The following COL8A1 variants were observed in gnomAD, a reference collection of about 807,000 sequenced individuals.
The protein encoded by COL8A1 is collagen type VIII alpha 1 chain, also known as collagen alpha-1(VIII) chain.
In COL8A1, 21 loss-of-function variants were observed where a neutral mutation model predicts 42.7. The observed-to-expected ratio is 0.49, with a 90% CI of 0.35 to 0.71. The LOEUF (loss-of-function observed/expected upper bound fraction) is 0.71. Ranked by LOEUF, COL8A1 falls within the 30% of genes least tolerant of loss-of-function variation. The probability of loss-of-function intolerance (pLI) is 0.01; values close to 1 mark genes in which losing one functional copy is unlikely to be tolerated. For missense variants in COL8A1, 788 were observed against 962.4 expected, an observed-to-expected ratio of 0.82 and a Z score of 2.40; for synonymous variants, 367 against 369.1, an observed-to-expected ratio of 0.99 and a Z score of 0.06.
chr3:99,645,280 G>A (rs918590940), intron 1 of COL8A1, among the ~76,000 whole-genome samples: 2 of 151,904 alleles, frequency 1.3e-5, no homozygotes, highest in African/African-American at 2.4e-5. Flanking sequence ...CCAAACAAGC[G>A]ACTTCTTGTT....
Position 99,794,840 on chromosome 3 carries a change from C to T in COL8A1, c.939C>T (p.Pro313=), listed in dbSNP as rs547121235. Residue 313 remains proline, a synonymous_variant, in exon 4 of 4, where the codon CCC becomes CCT. Coordinates refer to ENST00000652472, the MANE Select transcript of COL8A1 (RefSeq NM_020351.4). This position sits in a 1 kb window ranked among gnomAD's most constrained non-coding sequence, Gnocchi z 4.3. ...VPGVQGPPGI[P]GIGKPGQDGI... is the part of the protein sequence containing the mutation. Reference sequence around the variant, plus strand: ...GGGTTCAAGGACCTCCTGGGATACCCGGAATTGGAAAGCCAGGCCAGGATG... The same window carrying T: ...GGGTTCAAGGACCTCCTGGGATACCTGGAATTGGAAAGCCAGGCCAGGATG... The T allele has an allele frequency of 8.7e-6, 14 of 1,611,896 alleles. No individual in the cohort carries two copies. In the African/African-American group the frequency reaches 1.6e-4, roughly 18 times the overall value.
intron 2 of COL8A1, among the ~76,000 whole-genome samples, chr3:99,757,247 T>G (rs1456157979): frequency 6.6e-6 from 1 of 152,220 alleles, no homozygotes; most frequent in African/African-American, 2.4e-5. Flanking sequence ...AAAATTCATT[T>G]TGTCAGGTGA....
At chr3:99,753,929 A>G (rs1399679561) in intron 2 of COL8A1, among the ~76,000 whole-genome samples, 1 of 152,242 alleles carries the variant, frequency 6.6e-6, no homozygotes, top group African/African-American at 2.4e-5. Context: ...GTAAAATGGT[A>G]GAGCTTGGAC....
intron 1 of COL8A1, among the ~76,000 whole-genome samples, chr3:99,689,208 A>G (rs1465613988): frequency 6.6e-6 from 1 of 152,242 alleles, no homozygotes; most frequent in African/African-American, 2.4e-5. Flanking sequence ...AGGAAGTCAG[A>G]GTTGAGTTTT....
intron 1 of COL8A1, among the ~76,000 whole-genome samples, chr3:99,684,533 A>T (rs563793507): frequency 6.6e-4 from 100 of 152,358 alleles, no homozygotes; most frequent in Non-Finnish European, 1.3e-3. Context: ...GTTAATCTTT[A>T]TTAAGAGTTT....
At chr3:99,758,337 C>A (rs1420897567) in intron 2 of COL8A1, among the ~76,000 whole-genome samples, 1 of 152,070 alleles carries the variant, frequency 6.6e-6, no homozygotes, top group Non-Finnish European at 1.5e-5. Flanking sequence ...GCAGGTTAAT[C>A]CAACTTCCCC....
chr3:99,777,774 C>T (rs1387799197), intron 2 of COL8A1, among the ~76,000 whole-genome samples: 1 of 152,092 alleles, frequency 6.6e-6, no homozygotes, highest in Non-Finnish European at 1.5e-5. Context: ...ACCAAGCTGC[C>T]CCAATTCTCC....
intron 1 of COL8A1, among the ~76,000 whole-genome samples, chr3:99,658,408 C>T (rs975953289): frequency 1.3e-5 from 2 of 152,228 alleles, no homozygotes; most frequent in Non-Finnish European, 2.9e-5. Context: ...TCCCAGAAGT[C>T]TCCTTTGACC....
intron 1 of COL8A1, among the ~76,000 whole-genome samples, chr3:99,650,930 T>G (rs1333850432): frequency 1.3e-5 from 2 of 152,356 alleles, no homozygotes; most frequent in Admixed American, 1.3e-4. Context: ...CCCCAGTGAA[T>G]GCTATGACTG....
intron 1 of COL8A1, among the ~76,000 whole-genome samples, chr3:99,725,762 G>A (rs554837238): frequency 1.0e-3 from 155 of 151,886 alleles, no homozygotes; most frequent in African/African-American, 3.5e-3. Flanking sequence ...TTTTATGGCT[G>A]CATACTATTC....
intron 1 of COL8A1, among the ~76,000 whole-genome samples, chr3:99,719,251 T>C (rs1372339174): frequency 1.3e-5 from 2 of 152,132 alleles, no homozygotes; most frequent in African/African-American, 4.8e-5. Flanking sequence ...CTCTCCATAG[T>C]TCAGGCTCTG....
chr3:99,705,181 GT>G (rs1484152534), intron 1 of COL8A1, among the ~76,000 whole-genome samples: 1 of 152,138 alleles, frequency 6.6e-6, no homozygotes, highest in Non-Finnish European at 1.5e-5. Context: ...CAAAAACCCA[GT>G]TTCCCATTCG....
chr3:99,775,674 C>T (rs1192134903), intron 2 of COL8A1, among the ~76,000 whole-genome samples: 5 of 152,184 alleles, frequency 3.3e-5, no homozygotes, highest in East Asian at 3.9e-4. Context: ...TACCTTGTAC[C>T]TCCATGTTAC....
intron 1 of COL8A1, among the ~76,000 whole-genome samples, chr3:99,736,943 T>G (rs539743375): frequency 3.3e-5 from 5 of 152,228 alleles, no homozygotes; most frequent in African/African-American, 4.8e-5. Flanking sequence ...ATATTTAGGA[T>G]AGTTAGCTCT....
chr3:99,703,355 CAGG>C, intron 1 of COL8A1: 1 of 152,304 alleles, frequency 6.6e-6, no homozygotes, highest in Admixed American at 6.5e-5. Context: ...ATTGCAGAGC[CAGG>C]AGAACAGCCC....
intron 1 of COL8A1, among the ~76,000 whole-genome samples, chr3:99,644,471 T>G (rs1466217146): frequency 6.6e-6 from 1 of 152,246 alleles, no homozygotes; most frequent in African/African-American, 2.4e-5. Flanking sequence ...AATATTCTTG[T>G]ATTGTTTCTG....
At chr3:99,682,608 G>A (rs1938920513) in intron 1 of COL8A1, among the ~76,000 whole-genome samples, 2 of 145,724 alleles carry the variant, frequency 1.4e-5, no homozygotes, top group Admixed American at 1.4e-4. Flanking sequence ...TAAAAGGAAT[G>A]TGAAATTAAA....
intron 1 of COL8A1, among the ~76,000 whole-genome samples, chr3:99,695,319 G>A (rs77015412): frequency 6.6e-6 from 1 of 152,152 alleles, no homozygotes; most frequent in African/African-American, 2.4e-5. Flanking sequence ...GTAAATTTAA[G>A]AGAAAAGCAT....
intron 1 of COL8A1, among the ~76,000 whole-genome samples, chr3:99,684,117 T>G (rs575796560): frequency 1.3e-5 from 2 of 152,296 alleles, no homozygotes; most frequent in Admixed American, 6.5e-5. Flanking sequence ...TGGACTTGTT[T>G]AGGCCTGTCA....
Sources: gnomAD v4.1 joint callset for allele counts (sites outside exome capture counted in the v4.1 genomes callset) on GRCh38, gnomAD v4.1.1 for gene constraint, Gnocchi (gnomAD v3.1) non-coding constraint, MANE v1.5 for transcripts, NCBI Gene and HGNC (gene_info 2026-07-23, HGNC 2026-07-21) for gene names.